ADGRB3: variants seen among roughly 807,000 people sequenced by gnomAD.
ADGRB3 encodes brain-specific angiogenesis inhibitor 3.
A neutral mutation model predicts 193.4 loss-of-function variants in ADGRB3; 37 were observed. That is an observed-to-expected ratio of 0.19 (90% CI 0.15 to 0.25). The LOEUF (loss-of-function observed/expected upper bound fraction) is 0.25, where lower values mean the gene tolerates loss of function less well. ADGRB3 is among the 10% of genes least tolerant of loss of function. ADGRB3 has a pLI of 1.00. For missense variants in ADGRB3, 1,637 were observed against 1,852.9 expected (o/e 0.88, Z 2.14); for synonymous variants, 690 against 644.2 (o/e 1.07, Z -1.08).
Position 68,638,723 on chromosome 6 carries a change from C to G in ADGRB3, c.48C>G (p.Leu16=). ...NLLIYIFSTY[L]LVMFGFNAAQ... ...TGATTTATATATTTTCCACCTATCT[C>G]CTGGTTATGTTTGGATTTAATGCTG... is the stretch of plus-strand genomic sequence containing the variant. The change falls in exon 3 of 32, where the codon CTC becomes CTG. Residue 16 remains leucine, a synonymous_variant. Transcript: ENST00000370598. The G allele has an allele frequency of 6.2e-7, 1 of 1,614,072 alleles. No homozygotes were observed. The highest frequency in any genetic ancestry group is 1.1e-5 in the South Asian group (1 of 91,078).
At chr6:69,051,226 G>A (rs1311755006) in intron 15 of ADGRB3, among the ~76,000 whole-genome samples, 1 of 152,120 alleles carries the variant, frequency 6.6e-6, no homozygotes, top group East Asian at 1.9e-4. Context: ...CTAGTCTTAT[G>A]GACTGGCTCC....
chr6:69,298,157 G>A (rs55638103), intron 20 of ADGRB3, among the ~76,000 whole-genome samples: 5,584 of 151,948 alleles, frequency 0.037, 325 homozygotes, highest in African/African-American at 0.12. Context: ...TATTGCAACA[G>A]GGGAGAGAGA....
chr6:69,260,053 A>T (rs558502450), intron 20 of ADGRB3, among the ~76,000 whole-genome samples: 1 of 152,212 alleles, frequency 6.6e-6, no homozygotes, highest in Non-Finnish European at 1.5e-5. Flanking sequence ...ACGCAAAATT[A>T]TGTGTGTGTG....
chr6:68,825,415 A>C (rs532918270), intron 3 of ADGRB3, among the ~76,000 whole-genome samples: 1 of 152,246 alleles, frequency 6.6e-6, no homozygotes, highest in East Asian at 1.9e-4. Context: ...ACACATAAAC[A>C]GAATTTTCAT....
intron 21 of ADGRB3, among the ~76,000 whole-genome samples, chr6:69,325,719 C>A (rs1466981524): frequency 1.3e-5 from 2 of 152,110 alleles, no homozygotes; most frequent in African/African-American, 4.8e-5. Context: ...AGAAGACTGG[C>A]ATATGGGATG....
chr6:68,785,520 T>G (rs1766948774), intron 3 of ADGRB3, among the ~76,000 whole-genome samples: 1 of 151,968 alleles, frequency 6.6e-6, no homozygotes, highest in Non-Finnish European at 1.5e-5. Flanking sequence ...TATTCCATGG[T>G]GTATATGTGC....
At chr6:68,801,524 C>G (rs1767310715) in intron 3 of ADGRB3, among the ~76,000 whole-genome samples, 2 of 151,820 alleles carry the variant, frequency 1.3e-5, no homozygotes, top group African/African-American at 4.8e-5. Context: ...CCCATCTCTA[C>G]TAAAAATACA....
At chr6:68,722,978 G>A (rs1247459937) in intron 3 of ADGRB3, among the ~76,000 whole-genome samples, 1 of 151,714 alleles carries the variant, frequency 6.6e-6, no homozygotes, top group African/African-American at 2.4e-5. Flanking sequence ...ACACTCTGGA[G>A]GGACACTGTA....
At chr6:69,188,545 G>A (rs538504630) in intron 17 of ADGRB3, among the ~76,000 whole-genome samples, 12 of 152,244 alleles carry the variant, frequency 7.9e-5, no homozygotes, top group African/African-American at 2.9e-4. Flanking sequence ...CTGACCTCTG[G>A]TGATCCACCC....
intron 3 of ADGRB3, among the ~76,000 whole-genome samples, chr6:68,711,019 C>A (rs1220843169): frequency 6.6e-6 from 1 of 152,006 alleles, no homozygotes; most frequent in Non-Finnish European, 1.5e-5. Flanking sequence ...CCCTTTTCAC[C>A]CTTCAAACTC....
chr6:68,844,006 A>G (rs1360077867), intron 3 of ADGRB3, among the ~76,000 whole-genome samples: 1 of 152,176 alleles, frequency 6.6e-6, no homozygotes, highest in Non-Finnish European at 1.5e-5. Flanking sequence ...TCTCTCACAT[A>G]TACAAATATC....
chr6:68,772,895 ATATATATATATATATATATATATAT>A (rs1766662376), intron 3 of ADGRB3, among the ~76,000 whole-genome samples: 2 of 33,350 alleles, frequency 6.0e-5, no homozygotes, highest in South Asian at 1.5e-3. Context: ...AAAAAAAAAA[ATATATATATATATATATATATATAT>A]ATATATATAT....
intron 17 of ADGRB3, among the ~76,000 whole-genome samples, chr6:69,080,167 T>A (rs942839928): frequency 6.6e-6 from 1 of 152,092 alleles, no homozygotes; most frequent in Non-Finnish European, 1.5e-5. Flanking sequence ...GTATAACTCC[T>A]AGCAAATATA....
Position 69,355,842 on chromosome 6 carries a change from G to A in ADGRB3, c.3577G>A (p.Asp1193Asn). Residue 1193 changes from aspartate (D) to asparagine (N), a missense_variant, in exon 28 of 32, where the codon GAC becomes AAC. Physicochemically the swap from Asp to Asn is conservative, Grantham distance 23 (BLOSUM62 1). Around this residue, in one of 7 missense-constraint regions of ADGRB3, gnomAD observed 116 missense variants for 168.1 expected, o/e 0.69. Transcript: ENST00000370598. ...ACAGACAGACTTTGAAAAGGATGTA[G>A]ACATTGCCTGTCGATCAGGTAAGAA... ...QIMTDFEKDVDIACRSVLHKD... is the reference protein window; with the variant it reads ...QIMTDFEKDVNIACRSVLHKD... 1.2e-6 allele frequency: 2 copies of A among 1,607,858 alleles called. No individual in the cohort carries two copies. The highest frequency in any genetic ancestry group is 1.7e-6 in the Non-Finnish European group (2 of 1,174,900).
chr6:69,097,724 C>T (rs1395024732), intron 17 of ADGRB3, among the ~76,000 whole-genome samples: 1 of 151,570 alleles, frequency 6.6e-6, no homozygotes, highest in Non-Finnish European at 1.5e-5. Context: ...GTATATATGG[C>T]TATATGGCTG....
intron 13 of ADGRB3, among the ~76,000 whole-genome samples, chr6:69,036,638 G>A (rs1413803483): frequency 6.6e-6 from 1 of 152,132 alleles, no homozygotes; most frequent in Non-Finnish European, 1.5e-5. Flanking sequence ...ATATGGGGTA[G>A]TTAGGACAGA....
intron 3 of ADGRB3, among the ~76,000 whole-genome samples, chr6:68,727,860 G>A (rs1045750459): frequency 4.6e-5 from 7 of 151,474 alleles, no homozygotes; most frequent in South Asian, 2.1e-4. Flanking sequence ...TGATATAATC[G>A]TTCTCATCCT....
At chr6:68,753,139 T>C (rs1333246548) in intron 3 of ADGRB3, among the ~76,000 whole-genome samples, 1 of 152,196 alleles carries the variant, frequency 6.6e-6, no homozygotes, top group African/African-American at 2.4e-5. Flanking sequence ...AGGGATAGTG[T>C]GGTATAATAC....
intron 17 of ADGRB3, among the ~76,000 whole-genome samples, chr6:69,226,271 C>A (rs571960025): frequency 1.5e-4 from 23 of 152,238 alleles, no homozygotes; most frequent in African/African-American, 5.3e-4. Flanking sequence ...TAGCACAGCA[C>A]CTGCATCATA....
Sources: allele counts gnomAD v4.1 joint callset (sites outside exome capture counted in the v4.1 genomes callset), GRCh38; gene constraint gnomAD v4.1.1; regional missense constraint gnomAD v4.1.1; transcripts MANE v1.5; gene names NCBI Gene and HGNC (gene_info 2026-07-23, HGNC 2026-07-21).